TPTE2: variants seen among roughly 807,000 people sequenced by gnomAD.
TPTE2 encodes the protein phosphatidylinositol 3,4,5-trisphosphate 3-phosphatase TPTE2.
TPTE2 carries 53 observed loss-of-function variants against 78.6 expected under a neutral mutation model. The ratio of observed to expected loss-of-function variants is 0.67; its 90% CI spans 0.54 to 0.85. The LOEUF (loss-of-function observed/expected upper bound fraction) is 0.85, where lower values mean the gene tolerates loss of function less well. Among genes scored for constraint, TPTE2 ranks in the 40% least tolerant of loss-of-function variants. The probability of loss-of-function intolerance (pLI) is 0.00; values close to 1 mark genes in which losing one functional copy is unlikely to be tolerated. For synonymous variants in TPTE2, 175 were observed against 206.2 expected, an observed-to-expected ratio of 0.85 and a Z score of 1.30; for missense variants, 461 against 623.0, an observed-to-expected ratio of 0.74 and a Z score of 2.77.
chr13:19,525,342 AACAG>A (rs1050839474), intron 1 of TPTE2, among the ~76,000 whole-genome samples: 1 of 152,194 alleles, frequency 6.6e-6, no homozygotes, highest in Non-Finnish European at 1.5e-5. Context: ...CTGGTACAAA[AACAG>A]ACACACAGGC....
At chr13:19,529,189 T>G (rs867292363) in intron 1 of TPTE2, among the ~76,000 whole-genome samples, 30 of 152,180 alleles carry the variant, frequency 2.0e-4, no homozygotes, top group African/African-American at 7.0e-4. Flanking sequence ...ATAGGCTCAT[T>G]TAGGCTCTGT....
intron 1 of TPTE2, among the ~76,000 whole-genome samples, chr13:19,514,249 A>T (rs1195853175): frequency 2.0e-5 from 3 of 152,136 alleles, no homozygotes; most frequent in Non-Finnish European, 4.4e-5. Context: ...TTCTGACCTG[A>T]TCTTATTTTC....
the TPTE2 span, among the ~76,000 whole-genome samples, chr13:19,546,489 T>TC: frequency 3.1e-5 from 4 of 128,594 alleles, no homozygotes; most frequent in African/African-American, 1.2e-4. Context: ...TTTTCTTTTT[T>TC]TTTTTTTTTT....
chr13:19,508,592 G>T (rs553479572), intron 1 of TPTE2, among the ~76,000 whole-genome samples: 8 of 152,292 alleles, frequency 5.3e-5, no homozygotes, highest in East Asian at 3.9e-4. Context: ...TTTAGAGTTA[G>T]AAGGTTAGAT....
At chr13:19,509,757 T>G (rs1475049903) in intron 1 of TPTE2, among the ~76,000 whole-genome samples, 2 of 151,974 alleles carry the variant, frequency 1.3e-5, no homozygotes, top group Non-Finnish European at 2.9e-5. Flanking sequence ...TAAAAAAAGG[T>G]GTAGGGATGC....
chr13:19,560,272 T>C, the TPTE2 span: 1 of 940,588 alleles, frequency 1.1e-6, no homozygotes, highest in South Asian at 1.4e-5. Context: ...GGGCACAGAG[T>C]CTGAATTGGC....
intron 1 of TPTE2, among the ~76,000 whole-genome samples, chr13:19,509,100 T>C (rs1470326967): frequency 6.6e-6 from 1 of 152,160 alleles, no homozygotes; most frequent in African/African-American, 2.4e-5. Flanking sequence ...TGATTGATAA[T>C]AACATGACAA....
intron 10 of TPTE2, among the ~76,000 whole-genome samples, chr13:19,458,081 A>T (rs889459575): frequency 1.3e-5 from 2 of 152,200 alleles, no homozygotes; most frequent in African/African-American, 4.8e-5. Context: ...ATATAAAACC[A>T]ATCTTCAATA....
chr13:19,547,855 A>G, the TPTE2 span, among the ~76,000 whole-genome samples: 1 of 151,126 alleles, frequency 6.6e-6, no homozygotes, highest in Non-Finnish European at 1.5e-5. Flanking sequence ...CAAACTATCG[A>G]CAACGGTTAT....
the TPTE2 span, among the ~76,000 whole-genome samples, chr13:19,558,373 G>A: frequency 6.6e-6 from 1 of 152,138 alleles, no homozygotes; most frequent in African/African-American, 2.4e-5. Context: ...CCCTATAAAG[G>A]CATGAATTGT....
At chr13:19,453,194 A>AT (rs1368797267) in intron 10 of TPTE2, among the ~76,000 whole-genome samples, 1 of 151,170 alleles carries the variant, frequency 6.6e-6, no homozygotes, top group Non-Finnish European at 1.5e-5. Context: ...CGCCTGGATA[A>AT]TTTTTTGTAT....
At chr13:19,480,305 G>C (rs1229920472) in intron 4 of TPTE2, among the ~76,000 whole-genome samples, 3 of 152,142 alleles carry the variant, frequency 2.0e-5, no homozygotes, top group Non-Finnish European at 4.4e-5. Context: ...GGACAATATA[G>C]GGGGATGACA....
chr13:19,517,650 A>G (rs1422052130), intron 1 of TPTE2, among the ~76,000 whole-genome samples: 3 of 152,142 alleles, frequency 2.0e-5, no homozygotes, highest in African/African-American at 4.8e-5. Flanking sequence ...CAGAGACCTC[A>G]CCTCTAGGTT....
At chr13:19,489,935 G>C (rs544715419) in intron 3 of TPTE2, among the ~76,000 whole-genome samples, 2 of 151,976 alleles carry the variant, frequency 1.3e-5, no homozygotes, top group Non-Finnish European at 2.9e-5. Context: ...TACACATCAG[G>C]TCAAGTGACT....
chr13:19,473,878 A>C lies in TPTE2; in HGVS notation c.392+36T>G, dbSNP rs964997986. On this transcript the variant is annotated intron_variant, in intron 6 of 19. Coordinates refer to ENST00000400230, the Ensembl canonical transcript of TPTE2. ...CAAAGTGCTTCTTATAAAAGTACAAAATAGCTTAATGCATTATAAAAATAA... is the reference window on the plus strand; with the variant it reads ...CAAAGTGCTTCTTATAAAAGTACAACATAGCTTAATGCATTATAAAAATAA... The C allele has an allele frequency of 5.9e-6, 9 of 1,535,054 alleles. No homozygotes were observed. The African/African-American group carries it at 1.3e-4, about 22-fold the overall frequency.
In TPTE2 at chr13:19,450,001, C is replaced by T. The variant is rs137913677; in HGVS notation, c.973+75G>A. 3.2e-4 allele frequency: 475 copies of T among 1,498,726 alleles called. 2 individuals carry two copies. The East Asian group carries it at 6.6e-3, about 21-fold the overall frequency. 92.8% of individuals were successfully genotyped at this position (1,498,726 alleles called of 1,614,324 possible). On this transcript the variant is annotated intron_variant, in intron 13 of 19. Transcript: ENST00000400230. ...TTATTAATACATATTAATAGCAATA[C>T]GTATCTTGTTCTTCTACTTTATCTA... is the stretch of plus-strand genomic sequence containing the variant.
At chr13:19,473,919 T>C in exon 6 of TPTE2, 3 of 1,598,426 alleles carry the variant, frequency 1.9e-6, no homozygotes, top group Non-Finnish European at 2.6e-6. Context: ...CTTACCCTTC[T>C]ACAAATACTC....
chr13:19,544,816 T>A, the TPTE2 span, among the ~76,000 whole-genome samples: 1 of 152,130 alleles, frequency 6.6e-6, no homozygotes, highest in African/African-American at 2.4e-5. Context: ...GGTGGCAGGA[T>A]CATCTAAGCC....
chr13:19,445,472 T>A (rs1877767170), intron 13 of TPTE2, among the ~76,000 whole-genome samples: 1 of 152,166 alleles, frequency 6.6e-6, no homozygotes. Context: ...AGATACGGAA[T>A]GCTTGAAGTC....
Sources: allele counts gnomAD v4.1 joint callset (sites outside exome capture counted in the v4.1 genomes callset), GRCh38; gene constraint gnomAD v4.1.1; transcripts MANE v1.5; gene names NCBI Gene and HGNC (gene_info 2026-07-23, HGNC 2026-07-21).